The following SYNE1 variants were observed in gnomAD, a reference collection of about 807,000 sequenced individuals.
The protein encoded by SYNE1 is spectrin repeat containing nuclear envelope protein 1.
SYNE1 carries 616 observed loss-of-function variants against 1,111.0 expected under a neutral mutation model. That is an observed-to-expected ratio of 0.55 (90% CI 0.52 to 0.59). SYNE1 has a LOEUF of 0.59. SYNE1 is among the 20% of genes least tolerant of loss of function. SYNE1 has a pLI of 0.00. For missense variants in SYNE1, 10,006 were observed against 10,417.0 expected (o/e 0.96, Z 1.72); for synonymous variants, 3,855 against 3,825.8 (o/e 1.01, Z -0.28).
At chr6:152,577,162 G>C (rs2099499952) in intron 3 of SYNE1, among the ~76,000 whole-genome samples, 1 of 152,140 alleles carries the variant, frequency 6.6e-6, no homozygotes, top group East Asian at 1.9e-4. Flanking sequence ...CTCAACGATA[G>C]AAAGAATCTT....
intron 135 of SYNE1, among the ~76,000 whole-genome samples, chr6:152,150,932 C>T (rs2060295488): frequency 6.6e-6 from 1 of 152,076 alleles, no homozygotes. Flanking sequence ...AACAACAAGG[C>T]CAGGAAGGGT....
Position 152,122,393 on chromosome 6 carries a change from C to T in SYNE1, c.*43G>A. ...GTTTGGGATTGCTTATGACCCGATC[C>T]TCCTTATGCTACCAGCACTTCTGCA... On this transcript the variant is annotated 3_prime_UTR_variant, in exon 146 of 146. Coordinates refer to ENST00000367255, the MANE Select transcript of SYNE1 (RefSeq NM_182961.4). The T allele has an allele frequency of 6.2e-7, 1 of 1,613,644 alleles. No individual in the cohort carries two copies. The highest frequency in any genetic ancestry group is 8.5e-7 in the Non-Finnish European group (1 of 1,180,038).
chr6:152,123,286 G>A (rs1239408044), intron 145 of SYNE1, among the ~76,000 whole-genome samples: 4 of 152,158 alleles, frequency 2.6e-5, no homozygotes, highest in African/African-American at 4.8e-5. Context: ...AAAGCTGTAC[G>A]AACAAGGAAT....
intron 104 of SYNE1, 84 bp from the exon 105 acceptor site, chr6:152,249,346 TAACA>T: frequency 1.2e-6 from 1 of 836,772 alleles, no homozygotes. Flanking sequence ...TTCTAAGAAA[TAACA>T]TAGAGGCACA....
intron 3 of SYNE1, among the ~76,000 whole-genome samples, chr6:152,600,185 G>A (rs2099592842): frequency 6.6e-6 from 1 of 152,144 alleles, no homozygotes; most frequent in Admixed American, 6.5e-5. Flanking sequence ...CTCTGATACG[G>A]CACAAACCTC....
chr6:152,567,641 CT>C (rs1237367603), intron 3 of SYNE1, among the ~76,000 whole-genome samples: 1 of 152,104 alleles, frequency 6.6e-6, no homozygotes, highest in Non-Finnish European at 1.5e-5. Context: ...CCAATGCTAA[CT>C]AGTTATTATA....
chr6:152,330,530 T>C lies in SYNE1; in HGVS notation c.14155A>G (p.Ile4719Val). Reference protein sequence around the residue: ...ALSLQDGCRAILDEVAGLGEA... With the variant: ...ALSLQDGCRAVLDEVAGLGEA... ...CCAAGGCCCGCCACCTCGTCCAGAA[T>C]GGCTCTGCAACCATCTTGCAGAGAA... The change falls in exon 78 of 146, where the codon ATT (isoleucine) becomes GTT (valine). Residue 4719 changes from isoleucine to valine, a missense_variant. Transcript: ENST00000367255. 1 of 1,614,146 alleles carries C rather than the reference T, an allele frequency of 6.2e-7. No individual in the cohort carries two copies. Among genetic ancestry groups the C allele is most frequent in the Non-Finnish European group, 8.5e-7 (1 of 1,180,020 alleles).
intron 4 of SYNE1, among the ~76,000 whole-genome samples, chr6:152,531,871 A>G (rs2099203919): frequency 6.6e-6 from 1 of 152,208 alleles, no homozygotes; most frequent in African/African-American, 2.4e-5. Flanking sequence ...TTGTATGGAT[A>G]TACCACATAT....
chr6:152,536,737 T>C (rs2099245093), intron 4 of SYNE1, among the ~76,000 whole-genome samples: 1 of 152,050 alleles, frequency 6.6e-6, no homozygotes, highest in East Asian at 1.9e-4. Context: ...AAGTCATTCT[T>C]GATTCCTTCC....
intron 6 of SYNE1, among the ~76,000 whole-genome samples, chr6:152,517,846 T>C (rs1382028183): frequency 6.6e-6 from 1 of 151,946 alleles, no homozygotes; most frequent in East Asian, 1.9e-4. Context: ...TATCTAAAGG[T>C]AGGAAATGCA....
In SYNE1 at chr6:152,269,709, T is replaced by C. The variant is rs115631392; in HGVS notation, c.18574-423A>G. Among the ~76,000 whole-genome samples, 1,441 of 152,274 alleles carry C rather than the reference T, an allele frequency of 9.5e-3. 25 individuals are homozygous for C. Among genetic ancestry groups the C allele is most frequent in the African/African-American group, 0.033 (1,355 of 41,544 alleles). ...TCTCCCGTGAAAGCATTACCCTGCC[T>C]TATGTCACTTTCTCTAATCCAGGTC... On this transcript the variant is annotated intron_variant, in intron 98 of 145. Transcript: ENST00000367255.
chr6:152,383,759 A>G (rs1432528968), intron 55 of SYNE1, among the ~76,000 whole-genome samples: 1 of 152,156 alleles, frequency 6.6e-6, no homozygotes, highest in Non-Finnish European at 1.5e-5. Flanking sequence ...TTTCAACTCC[A>G]TGTCTTCTAT....
At chr6:152,453,330 T>TA (rs5880978) in intron 25 of SYNE1, 54 of 601,184 alleles carry the variant, frequency 9.0e-5, no homozygotes, top group Admixed American at 3.0e-4. Context: ...CACCCTGGAT[T>TA]AAAAAAAAAT....
chr6:152,334,032 G>C lies in SYNE1; in HGVS notation c.12770C>G (p.Thr4257Ser), dbSNP rs1480125693. ...CCTGGCCAAGTTATCCCATTCTGTA[G>C]TAAATTTTTCTAGGAACACTTCAAC... ...NVVEVFLEKF[T>S]TEWDNLARSD... Residue 4257 changes from threonine (T) to serine (S), a missense_variant, in exon 77 of 146, where the codon ACT becomes AGT. Thr to Ser is a moderately conservative substitution (Grantham distance 58). Transcript: ENST00000367255. The C allele has an allele frequency of 1.9e-6, 3 of 1,614,004 alleles. No homozygotes were observed. The highest frequency in any genetic ancestry group is 8.5e-7 in the Non-Finnish European group (1 of 1,180,036).
In SYNE1 at chr6:152,387,086, T is replaced by C. The variant is rs762213205; in HGVS notation, c.8473A>G (p.Met2825Val). ...AAAGCACTAACCTTGGCAACAGTCA[T>C]TATATCATTAAACTGTGTTTTCAGC... is the stretch of plus-strand genomic sequence containing the variant. ...EELKTQFNDI[M>V]TVAKEKMRKV... The change falls in exon 54 of 146, where the codon ATG (methionine) becomes GTG (valine). Residue 2825 changes from methionine to valine, a missense_variant. Met to Val is a conservative substitution (Grantham distance 21). Coordinates refer to ENST00000367255, the MANE Select transcript of SYNE1 (RefSeq NM_182961.4). The C allele has an allele frequency of 9.9e-6, 16 of 1,613,568 alleles. No homozygotes were observed. In the East Asian group the frequency reaches 3.6e-4, roughly 36 times the overall value.
At chr6:152,223,806 T>C (rs573163353) in intron 117 of SYNE1, among the ~76,000 whole-genome samples, 1 of 152,294 alleles carries the variant, frequency 6.6e-6, no homozygotes, top group South Asian at 2.1e-4. Context: ...GGGCCTGCCC[T>C]GCCCATCCCA....
At chr6:152,622,604 T>C (rs887856056) in intron 3 of SYNE1, among the ~76,000 whole-genome samples, 1 of 152,182 alleles carries the variant, frequency 6.6e-6, no homozygotes, top group Non-Finnish European at 1.5e-5. Flanking sequence ...GATCTTTTTC[T>C]TTTTATGGCT....
rs745310847 is a variant in SYNE1 at position 152,278,227 on chromosome 6, G to T, written c.18435C>A (p.Val6145=). 7.4e-6 allele frequency: 12 copies of T among 1,614,038 alleles called. No individual in the cohort carries two copies. The highest frequency in any genetic ancestry group is 1.0e-5 in the Non-Finnish European group (12 of 1,180,042). The change falls in exon 98 of 146, where the codon GTC becomes GTA. Residue 6145 remains valine (V), a synonymous_variant. Transcript: ENST00000367255. The part of the protein sequence containing the change: ...QKVVALSELS[V]HNENLLLEGK... ...CCTCCAGCAGCAGGTTCTCATTGTG[G>T]ACTGACAGTTCTGATAAAGCCACCA...
At chr6:152,466,160 T>A in intron 16 of SYNE1, 82 bp from the exon 17 acceptor site, 1 of 849,604 alleles carries the variant, frequency 1.2e-6, no homozygotes, top group East Asian at 2.5e-5. Context: ...AGTATAGCTA[T>A]AAGCACAGTT....
Sources: gnomAD v4.1 joint callset for allele counts (sites outside exome capture counted in the v4.1 genomes callset) on GRCh38, gnomAD v4.1.1 for gene constraint, MANE v1.5 for transcripts, NCBI Gene and HGNC (gene_info 2026-07-23, HGNC 2026-07-21) for gene names.